PLCE1: variants seen among roughly 807,000 people sequenced by gnomAD.
The protein encoded by PLCE1 is phospholipase C epsilon 1, also known as 1-phosphatidylinositol 4,5-bisphosphate phosphodiesterase epsilon-1.
A neutral mutation model predicts 242.8 loss-of-function variants in PLCE1; 119 were observed. The observed-to-expected ratio is 0.49, with a 90% confidence interval of 0.42 to 0.57. The LOEUF is 0.57. Ranked by LOEUF, PLCE1 falls within the 20% of genes least tolerant of loss-of-function variation. The probability of loss-of-function intolerance (pLI) is 0.00; values close to 1 mark genes in which losing one functional copy is unlikely to be tolerated. For missense variants in PLCE1, 2,441 were observed against 2,788.8 expected, an observed-to-expected ratio of 0.88 and a Z score of 2.81; for synonymous variants, 945 against 1,017.4, an observed-to-expected ratio of 0.93 and a Z score of 1.35.
chr10:94,270,366 A>G (rs542319683), intron 17 of PLCE1, 120 bp from the exon 18 acceptor site: 42 of 778,376 alleles, frequency 5.4e-5, no homozygotes, highest in South Asian at 4.2e-4. Context: ...TACGAAAACC[A>G]TCTTTGGCCA....
At chr10:94,098,990 G>A (rs564080440) in intron 2 of PLCE1, among the ~76,000 whole-genome samples, 2 of 152,192 alleles carry the variant, frequency 1.3e-5, no homozygotes, top group South Asian at 4.1e-4. Context: ...TCTGGGAAAT[G>A]CAGGCAAAGT....
chr10:94,021,993 CA>C (rs2061383678), intron 1 of PLCE1, among the ~76,000 whole-genome samples: 1 of 151,758 alleles, frequency 6.6e-6, no homozygotes, highest in Non-Finnish European at 1.5e-5. Flanking sequence ...TGAATGAGGA[CA>C]AAGTAAAGAT....
intron 2 of PLCE1, among the ~76,000 whole-genome samples, chr10:94,078,522 C>T (rs1468925813): frequency 6.6e-6 from 1 of 151,732 alleles, no homozygotes; most frequent in African/African-American, 2.4e-5. Context: ...GAGTCTCGCT[C>T]TGTCACCTAG....
intron 4 of PLCE1, among the ~76,000 whole-genome samples, chr10:94,185,773 C>A (rs1437823554): frequency 6.6e-6 from 1 of 152,146 alleles, no homozygotes; most frequent in Non-Finnish European, 1.5e-5. Context: ...AGAGGGAGAT[C>A]ACACAGGCAC....
rs781358365 is a variant in PLCE1 at position 94,234,203 on chromosome 10, T to C, written c.2105T>C (p.Val702Ala). The C allele has an allele frequency of 1.2e-6, 2 of 1,614,092 alleles. No homozygotes were observed. Among genetic ancestry groups the C allele is most frequent in the Admixed American group, 3.3e-5 (2 of 60,022 alleles). The change falls in exon 6 of 33, where the codon GTG (valine) becomes GCG (alanine). Residue 702 changes from valine to alanine, a missense_variant. Transcript: ENST00000371380. Reference sequence around the variant, plus strand: ...GCCCTGCACATCCCTGGCTGTAAGGTGGTTCCATTCTGTGGGGTGTTTCTG... The same window carrying C: ...GCCCTGCACATCCCTGGCTGTAAGGCGGTTCCATTCTGTGGGGTGTTTCTG... ...TRALHIPGCK[V>A]VPFCGVFLKE...
chr10:94,026,778 A>G (rs934828516), intron 1 of PLCE1, among the ~76,000 whole-genome samples: 5 of 152,214 alleles, frequency 3.3e-5, no homozygotes, highest in African/African-American at 1.2e-4. Flanking sequence ...TCCCAGATAT[A>G]GAACTGAAAT....
rs2050147959 is a variant in PLCE1, at chr10:94,231,638, T to G, written c.1956-2416T>G. ...TTTAAAACAGGGATCCCCAGCCTTT[T>G]TAGCATCAGAGACCAGTTTCATGGA... On this transcript the variant is annotated intron_variant, in intron 5 of 32. Transcript: ENST00000371380. 2.6e-5 allele frequency among the ~76,000 whole-genome samples: 4 copies of G among 151,944 alleles called. 1 individual carries two copies. The highest frequency in any genetic ancestry group is 7.3e-5 in the African/African-American group (3 of 41,358).
In PLCE1 at chr10:94,187,841, A is replaced by C. The variant is rs139019859; in HGVS notation, c.1809+16345A>C. Among the ~76,000 whole-genome samples the C allele has an allele frequency of 4.2e-3, 636 of 152,284 alleles. 5 individuals are homozygous for C. The highest frequency in any genetic ancestry group is 0.013 in the African/African-American group (549 of 41,568). On this transcript the variant is annotated intron_variant, in intron 4 of 32. Coordinates refer to ENST00000371380, the MANE Select transcript of PLCE1 (RefSeq NM_016341.4). ...CTCATACTTTGAAAGTTAGACAGAC[A>C]CTAAAGTTGTATGTAAATCATTAGG...
chr10:94,300,673 ATC>A (rs1368376286), intron 24 of PLCE1, among the ~76,000 whole-genome samples: 1 of 147,294 alleles, frequency 6.8e-6, no homozygotes, highest in Admixed American at 6.8e-5. Context: ...GAGGCAGATT[ATC>A]TCTGTCAGCC....
intron 1 of PLCE1, among the ~76,000 whole-genome samples, chr10:93,995,793 T>G (rs561059026): frequency 1.3e-5 from 2 of 152,358 alleles, no homozygotes; most frequent in Admixed American, 6.5e-5. Flanking sequence ...CTTAGTAACA[T>G]AAACTCCTGG....
At chr10:94,279,959 A>T in intron 20 of PLCE1, 48 bp downstream of exon 20, 1 of 1,593,330 alleles carries the variant, frequency 6.3e-7, no homozygotes, top group Non-Finnish European at 8.6e-7. Context: ...TTCTTGGATG[A>T]TTTGCCACAT....
chr10:94,270,370 T>C, intron 17 of PLCE1, 116 bp from the exon 18 acceptor site: 1 of 784,844 alleles, frequency 1.3e-6, no homozygotes, highest in Non-Finnish European at 2.3e-6. Flanking sequence ...AAAACCATCT[T>C]TGGCCAGAGT....
At chr10:94,186,673 G>A (rs530147370) in intron 4 of PLCE1, among the ~76,000 whole-genome samples, 65 of 152,336 alleles carry the variant, frequency 4.3e-4, no homozygotes, top group South Asian at 1.5e-3. Context: ...TCAACTGGAT[G>A]TGAATCTCCT....
chr10:94,196,318 CTCT>C (rs1464111276), intron 4 of PLCE1, among the ~76,000 whole-genome samples: 5 of 152,174 alleles, frequency 3.3e-5, no homozygotes, highest in African/African-American at 1.2e-4. Context: ...ATAAAGTGTT[CTCT>C]TCTTCGTTCC....
rs1432329334 is a variant in PLCE1, at chr10:94,252,299, A to ATG, written c.3097-14_3097-13dup. ...CTTGATGCTTCCTATTGTGTTCACC[A>ATG]TGTGGCTCTTTCACAGGAGGATGGA... On this transcript the variant is annotated splice_polypyrimidine_tract_variant and intron_variant, in intron 8 of 32. Coordinates refer to ENST00000371380, the MANE Select transcript of PLCE1 (RefSeq NM_016341.4). 1.2e-6 allele frequency: 2 copies of ATG among 1,612,468 alleles called. No individual in the cohort carries two copies. Among genetic ancestry groups the ATG allele is most frequent in the East Asian group, 4.5e-5 (2 of 44,860 alleles).
intron 14 of PLCE1, among the ~76,000 whole-genome samples, chr10:94,264,736 G>T (rs902513254): frequency 1.3e-5 from 2 of 151,872 alleles, no homozygotes; most frequent in African/African-American, 4.8e-5. Context: ...TGGCCAGGCT[G>T]GTCTCGAACT....
chr10:94,233,632 C>G (rs1180112164), intron 5 of PLCE1, among the ~76,000 whole-genome samples: 4 of 152,060 alleles, frequency 2.6e-5, no homozygotes, highest in Non-Finnish European at 4.4e-5. Flanking sequence ...GGGATAGGAA[C>G]CCTACATAAA....
chr10:94,236,250 A>C, intron 7 of PLCE1, 130 bp downstream of exon 7: 1 of 727,714 alleles, frequency 1.4e-6, no homozygotes, highest in Non-Finnish European at 2.4e-6. Context: ...ATTAAGCCAC[A>C]CTTCTTTATC....
chr10:94,087,464 A>T (rs1272032549), intron 2 of PLCE1, among the ~76,000 whole-genome samples: 1 of 151,080 alleles, frequency 6.6e-6, no homozygotes, highest in African/African-American at 2.4e-5. Flanking sequence ...TTGTAGAGAG[A>T]GGGTCTTGCT....
Sources: gnomAD v4.1 joint callset for allele counts (sites outside exome capture counted in the v4.1 genomes callset) on GRCh38, gnomAD v4.1.1 for gene constraint, MANE v1.5 for transcripts, NCBI Gene and HGNC (gene_info 2026-07-23, HGNC 2026-07-21) for gene names.